VPS13B: variants seen among roughly 807,000 people sequenced by gnomAD.
The protein encoded by VPS13B is intermembrane lipid transfer protein VPS13B.
A neutral mutation model predicts 426.4 loss-of-function variants in VPS13B; 285 were observed. The ratio of observed to expected loss-of-function variants is 0.67; its 90% CI spans 0.61 to 0.74. The LOEUF (loss-of-function observed/expected upper bound fraction) is 0.74, where lower values mean the gene tolerates loss of function less well. Ranked by LOEUF, VPS13B falls within the 30% of genes least tolerant of loss-of-function variation. The pLI, the probability that VPS13B is intolerant of heterozygous loss-of-function variation, is 0.00. For missense variants in VPS13B, 4,537 were observed against 4,782.6 expected (o/e 0.95, Z 1.51); for synonymous variants, 1,676 against 1,676.4 (o/e 1.00, Z 0.01).
chr8:99,053,073 A>G (rs1422690009), intron 3 of VPS13B, among the ~76,000 whole-genome samples: 1 of 151,676 alleles, frequency 6.6e-6, no homozygotes, highest in Admixed American at 6.6e-5. Flanking sequence ...GCCTTCTGCT[A>G]GCTTTTGAAT....
intron 21 of VPS13B, among the ~76,000 whole-genome samples, chr8:99,399,170 T>G (rs927617477): frequency 1.3e-4 from 20 of 152,142 alleles, no homozygotes; most frequent in African/African-American, 4.8e-4. Flanking sequence ...GTAAAATAAC[T>G]TGAAAATGTA....
intron 4 of VPS13B, among the ~76,000 whole-genome samples, chr8:99,096,655 C>T (rs1431714998): frequency 6.6e-6 from 1 of 151,074 alleles, no homozygotes; most frequent in Admixed American, 6.6e-5. Flanking sequence ...ACTCGGGAGG[C>T]TGAGGCAGGA....
At chr8:99,506,803 G>T (rs1326919958) in intron 27 of VPS13B, among the ~76,000 whole-genome samples, 1 of 152,214 alleles carries the variant, frequency 6.6e-6, no homozygotes, top group Non-Finnish European at 1.5e-5. Context: ...GTTACAGTGA[G>T]CTATGATTGT....
At chr8:99,070,316 CA>C (rs1387952255) in intron 3 of VPS13B, among the ~76,000 whole-genome samples, 3 of 152,128 alleles carry the variant, frequency 2.0e-5, no homozygotes, top group Non-Finnish European at 2.9e-5. Flanking sequence ...ATTTTCTATC[CA>C]GTCAGTTAAA....
chr8:99,367,778 C>T lies in VPS13B; in HGVS notation c.2825-16430C>T, dbSNP rs62534576. On this transcript the variant is annotated intron_variant, in intron 19 of 61. Coordinates refer to ENST00000357162, the MANE Select transcript of VPS13B (RefSeq NM_152564.5). ...AAGCTGTTCTCCTGCCTCAGTCTCCCGAGTAGCTGGGATTACAGGCGTATG... is the reference window on the plus strand; with the variant it reads ...AAGCTGTTCTCCTGCCTCAGTCTCCTGAGTAGCTGGGATTACAGGCGTATG... Among the ~76,000 whole-genome samples, 1,192 of 152,254 alleles carry T rather than the reference C, an allele frequency of 7.8e-3. 6 individuals are homozygous for T. Among genetic ancestry groups the T allele is most frequent in the Non-Finnish European group, 0.012 (795 of 68,010 alleles).
chr8:99,475,865 C>T (rs926263343), intron 24 of VPS13B, among the ~76,000 whole-genome samples: 1 of 152,128 alleles, frequency 6.6e-6, no homozygotes, highest in African/African-American at 2.4e-5. Context: ...ATGAATGAAC[C>T]TTATGCACTG....
intron 3 of VPS13B, among the ~76,000 whole-genome samples, chr8:99,044,553 G>A (rs976917992): frequency 5.3e-5 from 8 of 151,760 alleles, no homozygotes; most frequent in African/African-American, 1.9e-4. Flanking sequence ...GGTTACATGA[G>A]TAAATTCTCT....
intron 8 of VPS13B, among the ~76,000 whole-genome samples, chr8:99,124,063 G>A (rs1848073374): frequency 6.6e-6 from 1 of 152,178 alleles, no homozygotes; most frequent in Non-Finnish European, 1.5e-5. Flanking sequence ...GAGGCACTGT[G>A]ATGATAAGAA....
chr8:99,598,043 C>T (rs1277056760), intron 33 of VPS13B, among the ~76,000 whole-genome samples: 1 of 151,996 alleles, frequency 6.6e-6, no homozygotes, highest in Non-Finnish European at 1.5e-5. Context: ...TGTTGGCTAA[C>T]TCCATGTTTG....
At chr8:99,831,068 G>GT (rs920493972) in intron 51 of VPS13B, among the ~76,000 whole-genome samples, 3 of 98,168 alleles carry the variant, frequency 3.1e-5, no homozygotes, top group Admixed American at 1.2e-4. Context: ...GGGAATTGGT[G>GT]TTTTTTTCTT....
At chr8:99,427,429 A>G (rs1741344157) in intron 21 of VPS13B, among the ~76,000 whole-genome samples, 2 of 150,158 alleles carry the variant, frequency 1.3e-5, no homozygotes, top group African/African-American at 4.9e-5. Flanking sequence ...ACTTTAAAGT[A>G]GTTTTTTCCA....
intron 39 of VPS13B, among the ~76,000 whole-genome samples, chr8:99,733,188 T>C (rs1015138952): frequency 1.3e-5 from 2 of 152,194 alleles, no homozygotes; most frequent in Non-Finnish European, 2.9e-5. Flanking sequence ...CCTATGAGAT[T>C]CACAATAAAA....
intron 33 of VPS13B, among the ~76,000 whole-genome samples, chr8:99,630,311 A>G (rs1033607762): frequency 6.6e-6 from 1 of 152,004 alleles, no homozygotes; most frequent in Non-Finnish European, 1.5e-5. Flanking sequence ...CCATACACTT[A>G]CTTTTTCCTT....
chr8:99,191,385 T>C (rs1260809386), intron 16 of VPS13B, among the ~76,000 whole-genome samples: 5 of 136,432 alleles, frequency 3.7e-5, no homozygotes, highest in Admixed American at 1.4e-4. Flanking sequence ...TCTTTTTTTT[T>C]TTTTTTTTTT....
At chr8:99,582,687 G>T (rs1478079481) in intron 33 of VPS13B, among the ~76,000 whole-genome samples, 1 of 151,406 alleles carries the variant, frequency 6.6e-6, no homozygotes, top group East Asian at 1.9e-4. Flanking sequence ...ATGGAGTCTC[G>T]CTCTGTCTCC....
intron 33 of VPS13B, among the ~76,000 whole-genome samples, chr8:99,628,257 T>C (rs1395062020): frequency 6.6e-6 from 1 of 152,216 alleles, no homozygotes; most frequent in African/African-American, 2.4e-5. Flanking sequence ...TGTTCTTGAA[T>C]TCAGTGATTT....
intron 20 of VPS13B, among the ~76,000 whole-genome samples, chr8:99,390,718 T>C (rs1472422413): frequency 6.6e-6 from 1 of 152,168 alleles, no homozygotes; most frequent in Non-Finnish European, 1.5e-5. Flanking sequence ...AGCTAAAATT[T>C]CCTTCTCAAA....
At chr8:99,083,113 T>G (rs952781496) in intron 3 of VPS13B, among the ~76,000 whole-genome samples, 3 of 152,190 alleles carry the variant, frequency 2.0e-5, no homozygotes, top group Non-Finnish European at 4.4e-5. Context: ...GTTCTTCCAT[T>G]TGTTTGTATC....
intron 54 of VPS13B, among the ~76,000 whole-genome samples, chr8:99,842,388 C>A (rs1269469975): frequency 1.3e-5 from 2 of 151,880 alleles, no homozygotes; most frequent in African/African-American, 2.4e-5. Flanking sequence ...AGGAGCATCA[C>A]GTGGGGCCAG....
Sources: gnomAD v4.1 joint callset for allele counts (sites outside exome capture counted in the v4.1 genomes callset) on GRCh38, gnomAD v4.1.1 for gene constraint, MANE v1.5 for transcripts, NCBI Gene and HGNC (gene_info 2026-07-23, HGNC 2026-07-21) for gene names.